Variants in LRMDA observed in about 807,000 individuals in gnomAD.
LRMDA encodes the protein leucine rich melanocyte differentiation associated, also known as leucine-rich melanocyte differentiation-associated protein.
A neutral mutation model predicts 29.8 loss-of-function variants in LRMDA; 18 were observed. The ratio of observed to expected loss-of-function variants is 0.60; its 90% CI spans 0.42 to 0.90. The LOEUF (loss-of-function observed/expected upper bound fraction) is 0.90. Among genes scored for constraint, LRMDA ranks in the 40% least tolerant of loss-of-function variants. The pLI is 0.00. For missense variants in LRMDA, 273 were observed against 273.9 expected, an observed-to-expected ratio of 1.00 and a Z score of 0.02; for synonymous variants, 125 against 109.4, an observed-to-expected ratio of 1.14 and a Z score of -0.89.
chr10:76,158,565 G>C (rs950073803), intron 5 of LRMDA, among the ~76,000 whole-genome samples: 4 of 152,014 alleles, frequency 2.6e-5, no homozygotes, highest in Non-Finnish European at 5.9e-5. Context: ...AAACAACAAA[G>C]AATTAATAAA....
intron 2 of LRMDA, among the ~76,000 whole-genome samples, chr10:75,928,042 ACAT>A (rs3042520): frequency 0.24 from 35,955 of 150,648 alleles, 4,614 homozygotes; most frequent in South Asian, 0.4. Flanking sequence ...TTTTAGTTTA[ACAT>A]CATCATCATC....
chr10:75,985,952 A>G (rs1011567289), intron 2 of LRMDA, among the ~76,000 whole-genome samples: 1 of 152,250 alleles, frequency 6.6e-6, no homozygotes, highest in African/African-American at 2.4e-5. Context: ...TAAAGCCAAC[A>G]TGGTAGAAAG....
At chr10:75,502,410 C>T (rs1845122468) in intron 2 of LRMDA, among the ~76,000 whole-genome samples, 2 of 145,924 alleles carry the variant, frequency 1.4e-5, no homozygotes, top group African/African-American at 2.5e-5. Context: ...AAGTTATATA[C>T]CTTTTTGCCT....
At chr10:75,996,680 C>T (rs529340635) in intron 2 of LRMDA, among the ~76,000 whole-genome samples, 2 of 151,764 alleles carry the variant, frequency 1.3e-5, no homozygotes, top group African/African-American at 2.4e-5. Flanking sequence ...AATAGTGCCA[C>T]GAAGCAGGAA....
chr10:76,477,992 G>A (rs986024298), intron 6 of LRMDA, among the ~76,000 whole-genome samples: 1 of 152,108 alleles, frequency 6.6e-6, no homozygotes, highest in African/African-American at 2.4e-5. Context: ...ATAGGCACGG[G>A]CAAGGACTTC....
chr10:75,872,428 C>G (rs145556856), intron 2 of LRMDA, among the ~76,000 whole-genome samples: 2 of 152,072 alleles, frequency 1.3e-5, no homozygotes, highest in African/African-American at 4.8e-5. Context: ...CTCAGCCTCC[C>G]GCGTAGCTGG....
At chr10:75,674,346 T>A (rs1334003592) in intron 2 of LRMDA, among the ~76,000 whole-genome samples, 1 of 151,918 alleles carries the variant, frequency 6.6e-6, no homozygotes, top group Admixed American at 6.6e-5. Context: ...CAGTTGTTAT[T>A]TATATATATA....
intron 6 of LRMDA, among the ~76,000 whole-genome samples, chr10:76,338,161 C>T (rs1840992850): frequency 6.6e-6 from 1 of 151,426 alleles, no homozygotes; most frequent in Admixed American, 6.6e-5. Context: ...AGATTTCCTG[C>T]AAGATCACAG....
chr10:75,969,756 C>G (rs1846931825), intron 2 of LRMDA, among the ~76,000 whole-genome samples: 2 of 152,258 alleles, frequency 1.3e-5, no homozygotes, highest in South Asian at 4.1e-4. Context: ...TTAGGAAACT[C>G]ACCACCATCA....
At chr10:76,306,130 G>T (rs2132370144) in intron 5 of LRMDA, among the ~76,000 whole-genome samples, 1 of 152,260 alleles carries the variant, frequency 6.6e-6, no homozygotes, top group Middle Eastern at 3.4e-3. Flanking sequence ...AGAAAGATTG[G>T]GTTTGGAACT....
chr10:75,483,557 T>C (rs933396868), intron 2 of LRMDA, among the ~76,000 whole-genome samples: 1 of 152,188 alleles, frequency 6.6e-6, no homozygotes, highest in African/African-American at 2.4e-5. Flanking sequence ...TCTGCACCAA[T>C]AAAACAGGAT....
chr10:75,867,308 A>G (rs963815061), intron 2 of LRMDA, among the ~76,000 whole-genome samples: 10 of 151,980 alleles, frequency 6.6e-5, no homozygotes, highest in Non-Finnish European at 1.0e-4. Context: ...GATTACAGGC[A>G]CCCGCCACCA....
chr10:75,604,322 A>T (rs1163433536), intron 2 of LRMDA, among the ~76,000 whole-genome samples: 2 of 152,158 alleles, frequency 1.3e-5, no homozygotes, highest in African/African-American at 4.8e-5. Context: ...CTTGGGGTGA[A>T]ATATAGTGAA....
intron 6 of LRMDA, among the ~76,000 whole-genome samples, chr10:76,406,920 C>T (rs561642491): frequency 1.3e-4 from 20 of 152,278 alleles, no homozygotes; most frequent in African/African-American, 4.8e-4. Context: ...AATAATTGTT[C>T]CAGATCTCAG....
At chr10:75,965,558 C>T (rs940039926) in intron 2 of LRMDA, among the ~76,000 whole-genome samples, 48 of 152,036 alleles carry the variant, frequency 3.2e-4, no homozygotes, top group East Asian at 1.9e-3. Flanking sequence ...TTTACTTCTC[C>T]GCACTCCACT....
chr10:75,578,868 G>A (rs899371054), intron 2 of LRMDA, among the ~76,000 whole-genome samples: 3 of 146,712 alleles, frequency 2.0e-5, no homozygotes, highest in Non-Finnish European at 4.5e-5. Context: ...TGAAACCAAT[G>A]AAAACAAAGA....
chr10:76,431,711 A>G (rs1842192232), intron 6 of LRMDA, among the ~76,000 whole-genome samples: 1 of 152,108 alleles, frequency 6.6e-6, no homozygotes, highest in South Asian at 2.1e-4. Flanking sequence ...TGATAAAGAG[A>G]TGATAGATCC....
At chr10:76,004,231 T>A (rs533147891) in intron 2 of LRMDA, among the ~76,000 whole-genome samples, 1 of 152,338 alleles carries the variant, frequency 6.6e-6, no homozygotes, top group Non-Finnish European at 1.5e-5. Flanking sequence ...TTTTCAAATG[T>A]AGTGAAAAAT....
At chr10:75,949,905 C>T (rs1295895544) in intron 2 of LRMDA, among the ~76,000 whole-genome samples, 2 of 152,156 alleles carry the variant, frequency 1.3e-5, no homozygotes, top group Non-Finnish European at 2.9e-5. Context: ...GTGGATACTA[C>T]CAAGGCTGCC....
Sources: gnomAD v4.1 joint callset for allele counts (sites outside exome capture counted in the v4.1 genomes callset) on GRCh38, gnomAD v4.1.1 for gene constraint, MANE v1.5 for transcripts, NCBI Gene and HGNC (gene_info 2026-07-23, HGNC 2026-07-21) for gene names.